Variants in UBN2 observed in about 807,000 individuals in gnomAD.
UBN2 encodes ubinuclein 2.
In UBN2, 35 loss-of-function variants were observed where a neutral mutation model predicts 120.2. That is an observed-to-expected ratio of 0.29 (90% CI 0.22 to 0.39). UBN2 has a LOEUF of 0.39. Among genes scored for constraint, UBN2 ranks in the 10% least tolerant of loss-of-function variants. The pLI, the probability that UBN2 is intolerant of heterozygous loss-of-function variation, is 1.00. For synonymous variants in UBN2, 661 were observed against 648.7 expected (o/e 1.02, Z -0.29); for missense variants, 1,693 against 1,663.2 (o/e 1.02, Z -0.31).
downstream of UBN2, among the ~76,000 whole-genome samples, chr7:139,309,281 AGT>A (rs1391412486): frequency 2.0e-5 from 3 of 152,208 alleles, no homozygotes; most frequent in African/African-American, 7.2e-5. Context: ...TTTCCTTTTA[AGT>A]GTATTTTCAG....
the UBN2 span, among the ~76,000 whole-genome samples, chr7:139,324,504 C>G: frequency 2.6e-3 from 336 of 130,948 alleles, 1 homozygote; most frequent in Admixed American, 4.4e-3. Context: ...TGCAGTGAGC[C>G]GAGATCGCGC....
intron 17 of UBN2, among the ~76,000 whole-genome samples, chr7:139,297,295 A>G (rs374593640): frequency 1.3e-5 from 2 of 152,064 alleles, no homozygotes; most frequent in Admixed American, 6.5e-5. Flanking sequence ...GATGTTTTTC[A>G]CTACAGATGA....
At chr7:139,267,619 A>G (rs1219377759) in intron 7 of UBN2, among the ~76,000 whole-genome samples, 1 of 152,156 alleles carries the variant, frequency 6.6e-6, no homozygotes, top group Non-Finnish European at 1.5e-5. Flanking sequence ...TATGATTTCC[A>G]TCTTTTAAAT....
At chr7:139,322,307 C>A in the UBN2 span, among the ~76,000 whole-genome samples, 6 of 151,886 alleles carry the variant, frequency 4.0e-5, no homozygotes, top group Non-Finnish European at 5.9e-5. Flanking sequence ...AACAAACAAA[C>A]AAAAAAACTC....
intron 8 of UBN2, among the ~76,000 whole-genome samples, chr7:139,269,768 A>G (rs1415025675): frequency 6.6e-6 from 1 of 152,102 alleles, no homozygotes; most frequent in Non-Finnish European, 1.5e-5. Flanking sequence ...TATAGTAGGT[A>G]TGCTCTGACA....
intron 12 of UBN2, chr7:139,277,278 G>A (rs1797472143): frequency 6.6e-6 from 1 of 152,148 alleles, no homozygotes; most frequent in Admixed American, 6.6e-5. Flanking sequence ...AACAACACGG[G>A]AGTTAGGGAT....
chr7:139,302,004 TA>T lies in UBN2; in HGVS notation c.*4171del, dbSNP rs1488527885. On this transcript the variant is annotated 3_prime_UTR_variant, in exon 18 of 18. Transcript: ENST00000473989. ...TTAAGGGGAAAAGTTTAACTCTTTG[TA>T]AATCATTTCTTAGCTCTGGTAAAAT... is the stretch of plus-strand genomic sequence containing the variant. 1 of 152,232 alleles carries T rather than the reference TA, an allele frequency of 6.6e-6. No individual in the cohort carries two copies. The highest frequency in any genetic ancestry group is 1.5e-5 in the Non-Finnish European group (1 of 68,042). The allele number at this position is 152,232 out of a possible 1,614,324, so 9.4% of individuals were successfully genotyped here.
At chr7:139,311,090 C>T (rs1798441661), downstream of UBN2, among the ~76,000 whole-genome samples, 1 of 152,162 alleles carries the variant, frequency 6.6e-6, no homozygotes, top group Admixed American at 6.6e-5. Flanking sequence ...ACATACAAAG[C>T]TTTGAGAAAT....
chr7:139,255,659 TAAAAC>T (rs970381197), intron 3 of UBN2, among the ~76,000 whole-genome samples: 2 of 152,144 alleles, frequency 1.3e-5, no homozygotes, highest in African/African-American at 4.8e-5. Context: ...AATTCAGACA[TAAAAC>T]AACTATGGTC....
chr7:139,269,007 G>A (rs946876314), intron 7 of UBN2, among the ~76,000 whole-genome samples: 1 of 152,120 alleles, frequency 6.6e-6, no homozygotes, highest in African/African-American at 2.4e-5. Context: ...AGGAGTTCGA[G>A]ACCAGCCTGA....
intron 17 of UBN2, among the ~76,000 whole-genome samples, chr7:139,295,045 CT>C (rs1798070797): frequency 6.6e-6 from 1 of 151,862 alleles, no homozygotes; most frequent in Non-Finnish European, 1.5e-5. Flanking sequence ...GCAGAAATAA[CT>C]GCTTAGCTGC....
rs1298471730 is a variant in UBN2, at chr7:139,301,329, T to C, written c.*3493T>C. On this transcript the variant is annotated 3_prime_UTR_variant, in exon 18 of 18. Transcript: ENST00000473989. ...GGTTGGAAAGGGCAGGCACCTCTAA[T>C]CTAGTCTTTGTCCTCTGGTTGCCCT... 4 of 152,152 alleles carry C rather than the reference T, an allele frequency of 2.6e-5. No individual in the cohort carries two copies. The highest frequency in any genetic ancestry group is 7.2e-5 in the African/African-American group (3 of 41,454). 9.4% of individuals were successfully genotyped at this position (152,152 alleles called of 1,614,324 possible). A position where few individuals can be genotyped will look rare whatever the true frequency, so the allele number is the denominator to read the frequency against.
chr7:139,287,669 CTT>C (rs60585708), intron 15 of UBN2, among the ~76,000 whole-genome samples: 20 of 138,808 alleles, frequency 1.4e-4, no homozygotes, highest in Non-Finnish European at 1.9e-4. Context: ...CATATCTGAT[CTT>C]TTTTTTTTTT....
Position 139,254,165 on chromosome 7 carries a change from C to T in UBN2, c.663+2108C>T, listed in dbSNP as rs1164788150. Among the ~76,000 whole-genome samples the T allele has an allele frequency of 1.1e-4, 17 of 152,080 alleles. 1 individual carries two copies. In the South Asian group the frequency reaches 2.5e-3, roughly 22 times the overall value. On this transcript the variant is annotated intron_variant, in intron 3 of 17. Transcript: ENST00000473989. ...AAAATTAGCCGGGCGTGGTGGCGGG[C>T]GCCTGTAGTCCCAGCTACTCGGGAG...
the UBN2 span, among the ~76,000 whole-genome samples, chr7:139,313,401 G>C: frequency 6.6e-6 from 1 of 151,936 alleles, no homozygotes; most frequent in Non-Finnish European, 1.5e-5. Context: ...ATTTATTGTT[G>C]GTACTAAGGA....
chr7:139,244,634 G>A (rs750749294), intron 2 of UBN2, among the ~76,000 whole-genome samples: 3 of 151,850 alleles, frequency 2.0e-5, no homozygotes, highest in Admixed American at 6.6e-5. Context: ...CTTCTCTGTC[G>A]TAATGACCAT....
At chr7:139,275,120 A>T (rs896386773) in intron 11 of UBN2, among the ~76,000 whole-genome samples, 1 of 151,676 alleles carries the variant, frequency 6.6e-6, no homozygotes, top group African/African-American at 2.4e-5. Context: ...TCTACTAAAA[A>T]TACAAAAATT....
At chr7:139,278,617 TA>T (rs112787541) in intron 12 of UBN2, among the ~76,000 whole-genome samples, 22 of 145,714 alleles carry the variant, frequency 1.5e-4, no homozygotes, top group Middle Eastern at 3.6e-3. Context: ...ATGGCCTTCA[TA>T]AAAAAAAAAA....
chr7:139,278,296 C>G (rs776709585), intron 12 of UBN2, among the ~76,000 whole-genome samples: 3 of 151,882 alleles, frequency 2.0e-5, no homozygotes, highest in African/African-American at 2.4e-5. Flanking sequence ...ATTCTCCTGC[C>G]TCAGCCTCCT....
Sources: allele counts gnomAD v4.1 joint callset (sites outside exome capture counted in the v4.1 genomes callset), GRCh38; gene constraint gnomAD v4.1.1; transcripts MANE v1.5; gene names NCBI Gene and HGNC (gene_info 2026-07-23, HGNC 2026-07-21).